The following SPTBN5 variants were observed in gnomAD, a reference collection of about 807,000 sequenced individuals.
SPTBN5 encodes the protein spectrin beta chain, non-erythrocytic 5.
A neutral mutation model predicts 477.6 loss-of-function variants in SPTBN5; 513 were observed. That is an observed-to-expected ratio of 1.07 (90% CI 1.00 to 1.16). SPTBN5 has a LOEUF of 1.16. Among genes scored for constraint, SPTBN5 ranks in the 50% most tolerant of loss-of-function variants. The pLI is 0.00. For missense variants in SPTBN5, 5,062 were observed against 4,731.8 expected (o/e 1.07, Z -2.05); for synonymous variants, 2,169 against 2,011.7 (o/e 1.08, Z -2.09).
At position 41,882,406 on chromosome 15, in the gene SPTBN5, C is replaced by T. The variant is rs1240312513; in HGVS notation, c.2110G>A (p.Asp704Asn). The change falls in exon 11 of 68, where the codon GAC (aspartate) becomes AAC (asparagine). Residue 704 changes from aspartate to asparagine, a missense_variant. Asp to Asn is a conservative substitution (Grantham distance 23). Coordinates refer to ENST00000320955, the MANE Select transcript of SPTBN5 (RefSeq NM_016642.4). Reference protein sequence around the residue: ...VCVDLVRRGRDLSARRPPTQP... With the variant: ...VCVDLVRRGRNLSARRPPTQP... ...GTTGGGGGCCTGCGGGCGCTGAGGT[C>T]GCGTCCCCTCCGCACGAGATCTACG... 5.2e-6 allele frequency: 8 copies of T among 1,537,368 alleles called. No individual in the cohort carries two copies. In the African/African-American group the frequency reaches 7.0e-5, roughly 13 times the overall value.
rs200059930 is a variant in SPTBN5, at chr15:41,856,453, C to T, written c.8954G>A (p.Arg2985Gln). Residue 2985 changes from arginine (R) to glutamine (Q), a missense_variant, in exon 53 of 68, where the codon CGG (arginine) becomes CAG (glutamine). Arg to Gln is a conservative substitution (Grantham distance 43). Coordinates refer to ENST00000320955, the MANE Select transcript of SPTBN5 (RefSeq NM_016642.4). The part of the protein sequence containing the change: ...QQLEKAMAHL[R>Q]AEAARRRLLL... The stretch of plus-strand genomic sequence containing the variant: ...AAGCCGCCTCCGCGCCGCCTCTGCC[C>T]GCAGGTGGGCCATGGCCTTCTCCAG... 1.4e-4 allele frequency: 216 copies of T among 1,595,742 alleles called. 1 individual carries two copies. The African/African-American group carries it at 2.0e-3, about 15-fold the overall frequency.
intron 46 of SPTBN5, 99 bp downstream of exon 46, chr15:41,861,320 G>C: frequency 3.7e-6 from 4 of 1,072,246 alleles, no homozygotes; most frequent in Non-Finnish European, 5.8e-6. Context: ...CCGAAGGGGA[G>C]GATCCCTGGC....
chr15:41,848,179 G>A lies in SPTBN5; in HGVS notation c.*437C>T, dbSNP rs1339982766. The A allele has an allele frequency of 1.9e-6, 1 of 522,004 alleles. No individual in the cohort carries two copies. The highest frequency in any genetic ancestry group is 3.5e-6 in the Non-Finnish European group (1 of 289,644). The allele number at this position is 522,004 out of a possible 1,614,324, so 32.3% of individuals were successfully genotyped here. A position where few individuals can be genotyped will look rare whatever the true frequency, so the allele number is the denominator to read the frequency against. ...TGAGACCATCTGTTATTACTGCTGA[G>A]AAGGGCCATGTCATTCTAGGCTCTT... is the stretch of plus-strand genomic sequence containing the variant. On this transcript the variant is annotated 3_prime_UTR_variant, in exon 68 of 68. Coordinates refer to ENST00000320955, the MANE Select transcript of SPTBN5 (RefSeq NM_016642.4).
In SPTBN5 at chr15:41,852,896, A is replaced by G. The variant is rs1248314331; in HGVS notation, c.10275T>C (p.Leu3425=). 6.2e-7 allele frequency: 1 copy of G among 1,607,840 alleles called. No homozygotes were observed. Among genetic ancestry groups the G allele is most frequent in the South Asian group, 1.1e-5 (1 of 90,814 alleles). ...RCAESWGLQK[L]RQRLEQAEAW... is the part of the protein sequence containing the mutation. ...CCTCAGCCTGCTCCAGCCTCTGCCGAAGCTTCTGCAGGCCCCAGCTCTCGG... is the reference window on the plus strand; with the variant it reads ...CCTCAGCCTGCTCCAGCCTCTGCCGGAGCTTCTGCAGGCCCCAGCTCTCGG... The change falls in exon 60 of 68, where the codon CTT becomes CTC. Residue 3425 remains leucine, a synonymous_variant. Transcript: ENST00000320955.
chr15:41,852,316 T>C lies in SPTBN5; in HGVS notation c.10450A>G (p.Met3484Val), dbSNP rs1405105814. 1.9e-6 allele frequency: 3 copies of C among 1,576,784 alleles called. No homozygotes were observed. The highest frequency in any genetic ancestry group is 3.6e-5 in the Admixed American group (2 of 54,936). ...EKFAQMQKTEMEQELLLQPQE... is the reference protein window; with the variant it reads ...EKFAQMQKTEVEQELLLQPQE... ...GGCTGCAGCAGGAGCTCCTGTTCCA[T>C]CTTGGGGAGTGGGCAAGGTGGGCAA... Residue 3484 changes from methionine (M) to valine (V), a missense_variant and splice_region_variant, in exon 62 of 68, where the codon ATG becomes GTG. Met to Val is a conservative substitution (Grantham distance 21, BLOSUM62 1). Coordinates refer to ENST00000320955, the MANE Select transcript of SPTBN5 (RefSeq NM_016642.4).
chr15:41,883,972 T>C (rs796572994), intron 7 of SPTBN5, among the ~76,000 whole-genome samples: 1 of 149,558 alleles, frequency 6.7e-6, no homozygotes, highest in Non-Finnish European at 1.5e-5. Context: ...TGTATTTTTA[T>C]TTTTATTTTT....
At chr15:41,872,830 G>T (rs573900328) in intron 26 of SPTBN5, among the ~76,000 whole-genome samples, 51 of 152,312 alleles carry the variant, frequency 3.3e-4, no homozygotes, top group South Asian at 1.0e-3. Flanking sequence ...GCCGGGAGAT[G>T]GGTGCTCCGT....
At chr15:41,882,531 G>T (rs955002452) in intron 10 of SPTBN5, 54 bp downstream of exon 10, 6 of 1,586,236 alleles carry the variant, frequency 3.8e-6, no homozygotes, top group Non-Finnish European at 4.3e-6. Context: ...CCGGGGGCCC[G>T]AGAGGGAAGG....
At chr15:41,868,343 C>T in intron 33 of SPTBN5, 55 bp downstream of exon 33, 2 of 1,571,364 alleles carry the variant, frequency 1.3e-6, no homozygotes. Flanking sequence ...ACCAGGTGGC[C>T]AGGCACAGGC....
Position 41,882,055 on chromosome 15 carries a change from C to A in SPTBN5, c.2338G>T (p.Ala780Ser). 1 of 1,558,942 alleles carries A rather than the reference C, an allele frequency of 6.4e-7. No individual in the cohort carries two copies. ...ACGTGGCGCCTCAGCAGGGTCTCGG[C>A]GGCCGCCTGGTCCTGACCGCAGGAC... ...RASCGQDQAAAETLLRRHVRL... is the reference protein window; with the variant it reads ...RASCGQDQAASETLLRRHVRL... The change falls in exon 12 of 68, where the codon GCC (alanine) becomes TCC (serine). Residue 780 changes from alanine to serine, a missense_variant. Coordinates refer to ENST00000320955, the MANE Select transcript of SPTBN5 (RefSeq NM_016642.4).
chr15:41,878,463 A>G lies in SPTBN5; in HGVS notation c.3349T>C (p.Trp1117Arg). The change falls in exon 17 of 68, where the codon TGG becomes CGG. Residue 1117 changes from tryptophan (W) to arginine (R), a missense_variant. By Grantham distance (101) the Trp-to-Arg change is moderately radical. Transcript: ENST00000320955. ...AGCTGAGCCTGGACACTCTCTGCCC[A>G]CAGTAGCAGTTGCTGGCTCTCTTGC... ...FLQESQQLLL[W>R]AESVQAQLRS... 1 of 1,613,520 alleles carries G rather than the reference A, an allele frequency of 6.2e-7. No homozygotes were observed. The highest frequency in any genetic ancestry group is 8.5e-7 in the Non-Finnish European group (1 of 1,179,850).
rs1463717786 is a variant in SPTBN5, at chr15:41,876,242, CT to C, written c.3993del (p.Glu1332ArgfsTer4). On this transcript the variant is annotated frameshift_variant, in exon 21 of 68. Transcript: ENST00000320955. LOFTEE classifies it high-confidence loss of function. Reference sequence around the variant, plus strand: ...TCATGCGCAGCCATCAGCCCCTTCTCTTCCATCCACTGCATCAGCTCTGCCA... The same window carrying C: ...TCATGCGCAGCCATCAGCCCCTTCTCTCCATCCACTGCATCAGCTCTGCCA... ...QDVAELMQWM[E>X]EKGLMAAHEP... 1.3e-6 allele frequency: 2 copies of C among 1,597,078 alleles called. No individual in the cohort carries two copies. Among genetic ancestry groups the C allele is most frequent in the African/African-American group, 1.3e-5 (1 of 74,810 alleles).
chr15:41,875,965 C>T, intron 21 of SPTBN5, 149 bp downstream of exon 21: 6 of 976,094 alleles, frequency 6.1e-6, no homozygotes, highest in Non-Finnish European at 8.9e-6. Context: ...GGGATGCCAG[C>T]AGCATCAAGG....
intron 13 of SPTBN5, 80 bp from the exon 14 acceptor site, chr15:41,880,392 TC>T: frequency 7.0e-7 from 1 of 1,424,382 alleles, no homozygotes; most frequent in Non-Finnish European, 9.4e-7. Flanking sequence ...GGGGTGCTCC[TC>T]CCCATCCCAG....
In SPTBN5 at chr15:41,881,179, C is replaced by T. The variant is rs200314044; in HGVS notation, c.2513G>A (p.Ser838Asn). ...AGGGCCAGGGTGGCAGGAAGCCTCA[C>T]TCCAGGGCCCTGGGTTCCTCAGGCT... ...GESLRNPGPW[S>N]EASCHPGPGD... Residue 838 changes from serine (S) to asparagine (N), a missense_variant, in exon 13 of 68, where the codon AGT becomes AAT. By Grantham distance (46) the Ser-to-Asn change is conservative. Transcript: ENST00000320955. The T allele has an allele frequency of 8.6e-5, 139 of 1,613,116 alleles. No individual in the cohort carries two copies. In the African/African-American group the frequency reaches 1.7e-3, roughly 19 times the overall value.
In SPTBN5 at chr15:41,882,648, C is replaced by A; in HGVS notation, c.1983G>T (p.Arg661=). 1.2e-6 allele frequency: 2 copies of A among 1,607,650 alleles called. No individual in the cohort carries two copies. The highest frequency in any genetic ancestry group is 1.7e-6 in the Non-Finnish European group (2 of 1,177,708). The stretch of plus-strand genomic sequence containing the variant: ...CCCGGCCCAGGGCCGCATTCCCCAC[C>A]CGCTGTCCGCACTCCTTCAGCCAGG... The part of the protein sequence containing the change: ...EEAWLKECGQ[R]VGNAALGRDL... Residue 661 remains arginine, a synonymous_variant, in exon 10 of 68, where the codon CGG becomes CGT. Transcript: ENST00000320955.
Position 41,886,318 on chromosome 15 carries a change from G to A in SPTBN5, c.937C>T (p.Gln313Ter), listed in dbSNP as rs780787744. Residue 313 changes from glutamine to a stop codon, truncating the protein, a stop_gained, in exon 7 of 68, where the codon CAG (glutamine) becomes TAG (stop). Coordinates refer to ENST00000320955, the MANE Select transcript of SPTBN5 (RefSeq NM_016642.4). LOFTEE classifies it high-confidence loss of function. ...CAGCGTAGAAGGTCAGCCACCAGCT[G>A]CTCGTACTGGGTCTGCAGCAGCTCT... ...ETELLQTQYE[Q>*]LVADLLRWIA... 1.9e-6 allele frequency: 3 copies of A among 1,612,528 alleles called. No homozygotes were observed. Among genetic ancestry groups the A allele is most frequent in the Non-Finnish European group, 2.5e-6 (3 of 1,179,460 alleles).
At chr15:41,860,865 G>A (rs1039113866) in intron 46 of SPTBN5, 107 bp from the exon 47 acceptor site, 64 of 1,163,100 alleles carry the variant, frequency 5.5e-5, no homozygotes, top group Non-Finnish European at 7.1e-5. Flanking sequence ...TCCACAGAGC[G>A]GCTGCTCCGC....
chr15:41,850,822 C>T lies in SPTBN5; in HGVS notation c.10921+32G>A, dbSNP rs371947220. The T allele has an allele frequency of 4.5e-4, 690 of 1,550,100 alleles. 2 individuals carry two copies. The African/African-American group carries it at 7.7e-3, about 17-fold the overall frequency. On this transcript the variant is annotated intron_variant, in intron 66 of 67. Coordinates refer to ENST00000320955, the MANE Select transcript of SPTBN5 (RefSeq NM_016642.4). ...GGAGCTTGGGGCCCAGGGAGTCGGC[C>T]GCCCTCCCCGCATCCTTCCCCTGAA...
Sources: allele counts gnomAD v4.1 joint callset (sites outside exome capture counted in the v4.1 genomes callset), GRCh38; gene constraint gnomAD v4.1.1; transcripts MANE v1.5; gene names NCBI Gene and HGNC (gene_info 2026-07-23, HGNC 2026-07-21).